Variants in LRRIQ4 observed in about 807,000 individuals in gnomAD.
LRRIQ4 encodes leucine rich repeats and IQ motif containing 4.
A neutral mutation model predicts 40.1 loss-of-function variants in LRRIQ4; 21 were observed. The observed-to-expected ratio is 0.52, with a 90% CI of 0.37 to 0.75. The LOEUF (loss-of-function observed/expected upper bound fraction) is 0.75, where lower values mean the gene tolerates loss of function less well. LRRIQ4 is among the 30% of genes least tolerant of loss of function. The pLI is 0.00. For synonymous variants in LRRIQ4, 277 were observed against 277.1 expected (o/e 1.00, Z 0.00); for missense variants, 655 against 660.0 (o/e 0.99, Z 0.08).
chr3:169,813,051 T>G lies in LRRIQ4; in HGVS notation c.-32+5T>G, dbSNP rs1465195399. ...GTGCGTTCTGGGCATGCGCAGGTAC[T>G]TGAATGTACTCAGATCAGTACAGAC... is the stretch of plus-strand genomic sequence containing the variant. On this transcript the variant is annotated splice_donor_5th_base_variant and intron_variant, in intron 1 of 5. Transcript: ENST00000340806. The G allele has an allele frequency of 6.5e-6, 1 of 154,482 alleles. No homozygotes were observed. Among genetic ancestry groups the G allele is most frequent in the Non-Finnish European group, 1.4e-5 (1 of 69,574 alleles). 9.6% of individuals were successfully genotyped at this position (154,482 alleles called of 1,614,324 possible). A position where few individuals can be genotyped will look rare whatever the true frequency, so the allele number is the denominator to read the frequency against.
At chr3:169,833,951 C>A (rs890355613) in intron 5 of LRRIQ4, among the ~76,000 whole-genome samples, 1 of 152,250 alleles carries the variant, frequency 6.6e-6, no homozygotes, top group South Asian at 2.1e-4. Flanking sequence ...TGTAATACCT[C>A]TTTTACTATT....
intron 3 of LRRIQ4, 112 bp from the exon 4 acceptor site, chr3:169,830,376 TGAAA>T (rs1560614445): frequency 3.2e-6 from 1 of 308,770 alleles, no homozygotes; most frequent in South Asian, 4.8e-5. Context: ...CCACTGAAAG[TGAAA>T]AAAAAAAAAA....
chr3:169,836,039 C>T (rs1255309574), intron 5 of LRRIQ4, among the ~76,000 whole-genome samples: 1 of 152,122 alleles, frequency 6.6e-6, no homozygotes, highest in East Asian at 1.9e-4. Flanking sequence ...CTACTATGCA[C>T]CAGACACTGT....
intron 1 of LRRIQ4, among the ~76,000 whole-genome samples, chr3:169,816,746 C>T (rs1333284266): frequency 1.3e-5 from 2 of 150,822 alleles, no homozygotes; most frequent in Non-Finnish European, 2.9e-5. Flanking sequence ...TCTCAGCTCA[C>T]TGCAACCTCT....
intron 2 of LRRIQ4, among the ~76,000 whole-genome samples, chr3:169,823,366 G>A (rs1486239604): frequency 2.7e-5 from 4 of 146,870 alleles, no homozygotes; most frequent in Admixed American, 2.1e-4. Context: ...TCTCTTCCCC[G>A]AGACGGAGTC....
At chr3:169,818,352 C>T (rs1418655829) in intron 1 of LRRIQ4, among the ~76,000 whole-genome samples, 2 of 152,146 alleles carry the variant, frequency 1.3e-5, no homozygotes, top group South Asian at 2.1e-4. Context: ...CCTGATCTTT[C>T]GTTCTTATGA....
Position 169,828,745 on chromosome 3 carries a change from T to A in LRRIQ4, c.1021-14T>A. ...AATCTTGACCTGAAACTTATCTTTT[T>A]GGAATACTTCTAGTTACCTTCAGAA... On this transcript the variant is annotated splice_polypyrimidine_tract_variant and intron_variant, in intron 2 of 5. Transcript: ENST00000340806. 2 of 1,600,898 alleles carry A rather than the reference T, an allele frequency of 1.2e-6. No homozygotes were observed. The highest frequency in any genetic ancestry group is 3.3e-4 in the Middle Eastern group (2 of 6,026).
At chr3:169,836,875 G>A (rs541457869) in intron 5 of LRRIQ4, among the ~76,000 whole-genome samples, 10 of 152,198 alleles carry the variant, frequency 6.6e-5, no homozygotes, top group Non-Finnish European at 1.3e-4. Flanking sequence ...GGAGTTAAGA[G>A]GTTAGAGGGG....
intron 5 of LRRIQ4, among the ~76,000 whole-genome samples, chr3:169,835,364 C>CTTTGTGTGTGTG (rs56344833): frequency 0.2 from 29,203 of 146,328 alleles, 3,484 homozygotes; most frequent in East Asian, 0.51. Flanking sequence ...TTGTCTTTTT[C>CTTTGTGTGTGTG]TGTGTGTGTG....
chr3:169,814,906 TATATGTTAC>T (rs1779733443), intron 1 of LRRIQ4, among the ~76,000 whole-genome samples: 1 of 152,240 alleles, frequency 6.6e-6, no homozygotes, highest in South Asian at 2.1e-4. Context: ...TTTTCCCCAA[TATATGTTAC>T]TGATACCTTT....
intron 4 of LRRIQ4, among the ~76,000 whole-genome samples, chr3:169,832,189 G>C (rs1417991099): frequency 2.0e-5 from 3 of 152,036 alleles, no homozygotes; most frequent in Non-Finnish European, 4.4e-5. Flanking sequence ...GAAGTTGTAG[G>C]CCAGGCGCGG....
chr3:169,835,934 C>T (rs1780293862), intron 5 of LRRIQ4, among the ~76,000 whole-genome samples: 1 of 152,158 alleles, frequency 6.6e-6, no homozygotes, highest in Non-Finnish European at 1.5e-5. Flanking sequence ...ATTCTCTTAT[C>T]AGAGAGCCCT....
In LRRIQ4 at chr3:169,828,835, AG is replaced by A. The variant is rs1293962648; in HGVS notation, c.1099del (p.Glu367LysfsTer5). On this transcript the variant is annotated frameshift_variant, in exon 3 of 6. Coordinates refer to ENST00000340806, the MANE Select transcript of LRRIQ4 (RefSeq NM_001080460.3). LOFTEE classifies it high-confidence loss of function. ...LTGNEFLSFPEEVLSLASLEK... is the reference protein window; with the variant it reads ...LTGNEFLSFPXEVLSLASLEK... The stretch of plus-strand genomic sequence containing the variant: ...GGAAATGAGTTCCTTTCCTTTCCGG[AG>A]GAAGTCCTTTCTTTAGCGTCTTTAG... The A allele has an allele frequency of 6.2e-7, 1 of 1,613,802 alleles. No homozygotes were observed. Among genetic ancestry groups the A allele is most frequent in the South Asian group, 1.1e-5 (1 of 91,044 alleles).
At chr3:169,818,965 A>G (rs1399396488) in intron 1 of LRRIQ4, among the ~76,000 whole-genome samples, 1 of 152,246 alleles carries the variant, frequency 6.6e-6, no homozygotes, top group Non-Finnish European at 1.5e-5. Context: ...TAAATTTGAG[A>G]GGGCTGATTA....
At chr3:169,829,023 G>A in intron 3 of LRRIQ4, 91 bp downstream of exon 3, 1 of 1,156,830 alleles carries the variant, frequency 8.6e-7, no homozygotes, top group South Asian at 1.6e-5. Context: ...TCCACAGGCT[G>A]GATGTAGAAT....
At chr3:169,831,261 C>CT (rs869088396) in intron 4 of LRRIQ4, among the ~76,000 whole-genome samples, 881 of 33,480 alleles carry the variant, frequency 0.026, 198 homozygotes, top group African/African-American at 0.037. Flanking sequence ...TATGGCTATT[C>CT]TTTTTTTTTT....
intron 1 of LRRIQ4, among the ~76,000 whole-genome samples, chr3:169,813,464 C>T (rs1779679759): frequency 6.6e-6 from 1 of 152,108 alleles, no homozygotes; most frequent in Non-Finnish European, 1.5e-5. Flanking sequence ...GTAATAGTTT[C>T]CTTATCCCCC....
intron 1 of LRRIQ4, among the ~76,000 whole-genome samples, chr3:169,815,771 G>T (rs1243848021): frequency 6.6e-6 from 1 of 152,050 alleles, no homozygotes; most frequent in East Asian, 1.9e-4. Context: ...ACTACCTACG[G>T]GCCTGTCAAA....
chr3:169,830,662 A>C, intron 4 of LRRIQ4, 32 bp downstream of exon 4: 1 of 1,613,390 alleles, frequency 6.2e-7, no homozygotes, highest in Non-Finnish European at 8.5e-7. Context: ...ACAGCCTAGC[A>C]GAGTTTGTGG....
Sources: gnomAD v4.1 joint callset for allele counts (sites outside exome capture counted in the v4.1 genomes callset) on GRCh38, gnomAD v4.1.1 for gene constraint, MANE v1.5 for transcripts, NCBI Gene and HGNC (gene_info 2026-07-23, HGNC 2026-07-21) for gene names.